Variants in RYR2 observed in about 807,000 individuals in gnomAD.
RYR2 encodes the protein ryanodine receptor 2.
In RYR2, 227 loss-of-function variants were observed where a neutral mutation model predicts 601.1. That is an observed-to-expected ratio of 0.38 (90% CI 0.34 to 0.42). RYR2 has a LOEUF of 0.42. Ranked by LOEUF, RYR2 falls within the 10% of genes least tolerant of loss-of-function variation. The pLI is 1.00. For synonymous variants in RYR2, 2,223 were observed against 2,175.1 expected (o/e 1.02, Z -0.61); for missense variants, 4,646 against 6,156.5 (o/e 0.75, Z 8.21).
intron 2 of RYR2, among the ~76,000 whole-genome samples, chr1:237,292,114 C>T (rs1427385646): frequency 6.6e-6 from 1 of 152,134 alleles, no homozygotes; most frequent in East Asian, 1.9e-4. Context: ...ACAAAACAGC[C>T]TACCAACCAA....
At position 237,493,601 on chromosome 1, in the gene RYR2, C is replaced by T. The variant is rs7554664; in HGVS notation, c.1961+514C>T. On this transcript the variant is annotated intron_variant, in intron 19 of 104. Transcript: ENST00000366574. The stretch of plus-strand genomic sequence containing the variant: ...CCGAGTAGCTGGGACTACAGGTGCC[C>T]GCCACCACGCCTGGCTAATTTTTTG... Among the ~76,000 whole-genome samples the T allele has an allele frequency of 5.1e-3, 775 of 152,092 alleles. 6 individuals carry two copies. Among genetic ancestry groups the T allele is most frequent in the African/African-American group, 0.018 (728 of 41,508 alleles).
At chr1:237,122,150 T>C (rs936532984) in intron 1 of RYR2, among the ~76,000 whole-genome samples, 2 of 152,130 alleles carry the variant, frequency 1.3e-5, no homozygotes, top group Non-Finnish European at 2.9e-5. Flanking sequence ...AACATTGGGG[T>C]TGCGGTTGGA....
intron 17 of RYR2, among the ~76,000 whole-genome samples, chr1:237,475,546 T>C (rs1243703940): frequency 6.6e-6 from 1 of 152,170 alleles, no homozygotes; most frequent in African/African-American, 2.4e-5. Context: ...GTGGTAGTAA[T>C]AAATCATTTA....
intron 84 of RYR2, among the ~76,000 whole-genome samples, chr1:237,762,632 A>C (rs1464025623): frequency 6.6e-6 from 1 of 152,186 alleles, no homozygotes; most frequent in Non-Finnish European, 1.5e-5. Context: ...GGGTTGGAAT[A>C]ACATTTTCGA....
chr1:237,243,488 G>T (rs1686440677), intron 1 of RYR2, among the ~76,000 whole-genome samples: 1 of 152,100 alleles, frequency 6.6e-6, no homozygotes, highest in Admixed American at 6.5e-5. Flanking sequence ...GTGGGAAGGG[G>T]TGCAGAGCTT....
chr1:237,380,524 C>A (rs1701416540), intron 8 of RYR2, among the ~76,000 whole-genome samples: 1 of 148,776 alleles, frequency 6.7e-6, no homozygotes, highest in South Asian at 2.1e-4. Flanking sequence ...AAGAACTTAA[C>A]TCATAGGGGT....
At chr1:237,292,434 T>C (rs950538247) in intron 2 of RYR2, among the ~76,000 whole-genome samples, 4 of 152,352 alleles carry the variant, frequency 2.6e-5, no homozygotes, top group African/African-American at 9.6e-5. Context: ...AATTCATTAG[T>C]GGCTCCTACT....
At chr1:237,807,400 G>C (rs1660749786) in intron 99 of RYR2, among the ~76,000 whole-genome samples, 1 of 152,184 alleles carries the variant, frequency 6.6e-6, no homozygotes, top group Non-Finnish European at 1.5e-5. Context: ...ACCCAGGCTG[G>C]AATGCGGCGG....
chr1:237,135,337 A>G lies in RYR2; in HGVS notation c.48+92768A>G, dbSNP rs1672647538. On this transcript the variant is annotated intron_variant, in intron 1 of 104. Coordinates refer to ENST00000366574, the MANE Select transcript of RYR2 (RefSeq NM_001035.3). ...CCTGGGCTACAGATTCTAAAATCAC[A>G]CTGTCCAGCATCCCCTTGTTGGTTT... Among the ~76,000 whole-genome samples, 6 of 151,372 alleles carry G rather than the reference A, an allele frequency of 4.0e-5. No individual in the cohort carries two copies. The South Asian group carries it at 1.3e-3, about 32-fold the overall frequency.
chr1:237,634,980 G>A lies in RYR2; in HGVS notation c.6780G>A (p.Pro2260=), dbSNP rs758855412. ...NNELALALRE[P]DLEKVVRYLA... Reference sequence around the variant, plus strand: ...AACTAGCATTAGCTCTGCGTGAGCCGGATCTAGAAAAGGTGAGCAATGTTC... The same window carrying A: ...AACTAGCATTAGCTCTGCGTGAGCCAGATCTAGAAAAGGTGAGCAATGTTC... Residue 2260 remains proline (P), a synonymous_variant, in exon 44 of 105, where the codon CCG becomes CCA. Coordinates refer to ENST00000366574, the MANE Select transcript of RYR2 (RefSeq NM_001035.3). The A allele has an allele frequency of 2.2e-5, 35 of 1,592,550 alleles. No homozygotes were observed. The highest frequency in any genetic ancestry group is 1.7e-4 in the Middle Eastern group (1 of 6,038).
intron 1 of RYR2, among the ~76,000 whole-genome samples, chr1:237,051,991 C>T (rs1460203602): frequency 6.6e-6 from 1 of 152,204 alleles, no homozygotes; most frequent in African/African-American, 2.4e-5. Context: ...CTGTGTGCCA[C>T]ATCATAGGTC....
chr1:237,046,941 A>G (rs1292606142), intron 1 of RYR2, among the ~76,000 whole-genome samples: 1 of 152,244 alleles, frequency 6.6e-6, no homozygotes, highest in Admixed American at 6.5e-5. Flanking sequence ...GAATAGATAT[A>G]GAGGATGGCA....
chr1:237,150,985 G>A (rs377478405), intron 1 of RYR2, among the ~76,000 whole-genome samples: 3 of 152,090 alleles, frequency 2.0e-5, no homozygotes, highest in Non-Finnish European at 2.9e-5. Flanking sequence ...TCAGGGTTTC[G>A]ATTTTGAAAG....
rs999852633 is a variant in RYR2, at chr1:237,411,438, A to G, written c.774-5611A>G. On this transcript the variant is annotated intron_variant, in intron 10 of 104. Coordinates refer to ENST00000366574, the MANE Select transcript of RYR2 (RefSeq NM_001035.3). ...TTATAATTTAGGGACTTTGAATATCAACAAGTGTATAATATGATTGATTTA... is the reference window on the plus strand; with the variant it reads ...TTATAATTTAGGGACTTTGAATATCGACAAGTGTATAATATGATTGATTTA... Among the ~76,000 whole-genome samples, 17 of 152,270 alleles carry G rather than the reference A, an allele frequency of 1.1e-4. No homozygotes were observed. In the East Asian group the frequency reaches 3.3e-3, roughly 29 times the overall value.
chr1:237,101,299 TAAA>T (rs374151748), intron 1 of RYR2, among the ~76,000 whole-genome samples: 2,016 of 94,152 alleles, frequency 0.021, 28 homozygotes, highest in Middle Eastern at 0.057. Context: ...TTTTAGAAGT[TAAA>T]AAAAAAAAAA....
intron 17 of RYR2, among the ~76,000 whole-genome samples, chr1:237,478,907 A>G (rs539728739): frequency 2.0e-5 from 3 of 152,158 alleles, no homozygotes; most frequent in East Asian, 3.9e-4. Context: ...TGTGCACTGT[A>G]TGTTATTTGA....
At chr1:237,313,287 A>ATGT (rs1326125597) in intron 2 of RYR2, among the ~76,000 whole-genome samples, 4 of 152,194 alleles carry the variant, frequency 2.6e-5, no homozygotes. Context: ...GAACCTATGA[A>ATGT]TGTTGCCTTA....
rs1422123208 is a variant in RYR2, at chr1:237,784,572, A to G, written c.12860A>G (p.Tyr4287Cys). 2 of 1,613,746 alleles carry G rather than the reference A, an allele frequency of 1.2e-6. No individual in the cohort carries two copies. Among genetic ancestry groups the G allele is most frequent in the African/African-American group, 1.3e-5 (1 of 74,898 alleles). ...ATGGTCACGGCCTTCTTTTCATCCT[A>G]CTGGAGTATTTTCATGACCCTCTTG... ...KDMVTAFFSS[Y>C]WSIFMTLLHF... The change falls in exon 90 of 105, where the codon TAC (tyrosine) becomes TGC (cysteine). Residue 4287 changes from tyrosine to cysteine, a missense_variant. Transcript: ENST00000366574. This position sits in a 1 kb window ranked among gnomAD's most constrained non-coding sequence, Gnocchi z 7.1.
At chr1:237,092,560 C>G (rs554615935) in intron 1 of RYR2, among the ~76,000 whole-genome samples, 21 of 137,700 alleles carry the variant, frequency 1.5e-4, no homozygotes, top group Non-Finnish European at 2.4e-4. Context: ...GTCTCACTGT[C>G]TCTCTGTTGC....
Sources: allele counts gnomAD v4.1 joint callset (sites outside exome capture counted in the v4.1 genomes callset), GRCh38; gene constraint gnomAD v4.1.1; non-coding constraint Gnocchi (gnomAD v3.1); transcripts MANE v1.5; gene names NCBI Gene and HGNC (gene_info 2026-07-23, HGNC 2026-07-21).